The following KHDRBS2 variants were observed in gnomAD, a reference collection of about 807,000 sequenced individuals.
KHDRBS2 encodes the protein KH RNA binding domain containing, signal transduction associated 2, also known as KH domain-containing, RNA-binding, signal transduction-associated protein 2.
Under a neutral mutation model 44.3 loss-of-function variants are expected in KHDRBS2, and 26 were observed. The ratio of observed to expected loss-of-function variants is 0.59; its 90% CI spans 0.43 to 0.81. The LOEUF is 0.81. Ranked by LOEUF, KHDRBS2 falls within the 40% of genes least tolerant of loss-of-function variation. KHDRBS2 has a pLI of 0.00. For missense variants in KHDRBS2, 476 were observed against 433.1 expected, an observed-to-expected ratio of 1.10 and a Z score of -0.88; for synonymous variants, 194 against 151.1, an observed-to-expected ratio of 1.28 and a Z score of -2.08.
At chr6:62,021,907 G>C (rs1782393987) in intron 3 of KHDRBS2, among the ~76,000 whole-genome samples, 1 of 135,884 alleles carries the variant, frequency 7.4e-6, no homozygotes, top group African/African-American at 2.7e-5. Context: ...TATGCTTTGT[G>C]AAAAAAGGTT....
chr6:61,852,610 A>G (rs1028044421), intron 6 of KHDRBS2, among the ~76,000 whole-genome samples: 4 of 151,772 alleles, frequency 2.6e-5, no homozygotes, highest in African/African-American at 9.7e-5. Context: ...TTCTGCTAAT[A>G]CCCACTGTGA....
chr6:62,241,143 G>A (rs763009901), intron 1 of KHDRBS2, among the ~76,000 whole-genome samples: 25 of 152,046 alleles, frequency 1.6e-4, no homozygotes, highest in Non-Finnish European at 3.7e-4. Flanking sequence ...ATCGCTAGGG[G>A]CTCTCCTAGT....
At chr6:61,642,674 A>C in the KHDRBS2 span, among the ~76,000 whole-genome samples, 1 of 144,062 alleles carries the variant, frequency 6.9e-6, no homozygotes, top group East Asian at 2.0e-4. Context: ...AAAAAAAAAA[A>C]GAATAATAAA....
chr6:61,975,216 T>C (rs1295186456), intron 4 of KHDRBS2, among the ~76,000 whole-genome samples: 2 of 152,022 alleles, frequency 1.3e-5, no homozygotes, highest in Non-Finnish European at 2.9e-5. Flanking sequence ...ATACAAGAGG[T>C]AGAAGAAGGT....
chr6:61,687,648 T>C (rs1318760432), intron 8 of KHDRBS2, among the ~76,000 whole-genome samples: 1 of 151,882 alleles, frequency 6.6e-6, no homozygotes, highest in Non-Finnish European at 1.5e-5. Context: ...TGTATTTTTA[T>C]ATTATTGTGC....
intron 8 of KHDRBS2, 110 bp from the exon 9 acceptor site, chr6:61,681,170 C>T (rs1201222968): frequency 2.8e-5 from 20 of 714,344 alleles, no homozygotes; most frequent in South Asian, 2.1e-4. Context: ...ATCTCAACAC[C>T]GAACGCTAAA....
the KHDRBS2 span, among the ~76,000 whole-genome samples, chr6:61,544,247 TAAA>T: frequency 6.6e-6 from 1 of 151,984 alleles, no homozygotes; most frequent in Non-Finnish European, 1.5e-5. Flanking sequence ...AAAATTAAAA[TAAA>T]TAAAAAGTAT....
chr6:61,548,925 G>T, the KHDRBS2 span, among the ~76,000 whole-genome samples: 1 of 152,052 alleles, frequency 6.6e-6, no homozygotes, highest in Non-Finnish European at 1.5e-5. Flanking sequence ...ACCATAAATA[G>T]TTACGTCAGT....
chr6:61,597,000 TATATCTCAA>T, the KHDRBS2 span, among the ~76,000 whole-genome samples: 1 of 152,184 alleles, frequency 6.6e-6, no homozygotes, highest in Non-Finnish European at 1.5e-5. Context: ...AGTAGAAATT[TATATCTCAA>T]AGACACAGAG....
At chr6:62,240,863 A>G (rs73488956) in intron 1 of KHDRBS2, among the ~76,000 whole-genome samples, 1,696 of 151,438 alleles carry the variant, frequency 0.011, 34 homozygotes, top group African/African-American at 0.039. Context: ...CAGTATACAT[A>G]TAGGGTCGTC....
At chr6:61,909,046 A>G (rs1332133204) in intron 4 of KHDRBS2, among the ~76,000 whole-genome samples, 2 of 152,066 alleles carry the variant, frequency 1.3e-5, no homozygotes, top group Admixed American at 6.6e-5. Flanking sequence ...TGGGGCTTAA[A>G]TAGCACATGC....
At chr6:61,753,661 G>C (rs1778075858) in intron 6 of KHDRBS2, among the ~76,000 whole-genome samples, 1 of 152,114 alleles carries the variant, frequency 6.6e-6, no homozygotes, top group African/African-American at 2.4e-5. Context: ...GTGGGGATAT[G>C]GCAGCCAATC....
intron 3 of KHDRBS2, among the ~76,000 whole-genome samples, chr6:62,030,670 T>C (rs896971574): frequency 5.9e-5 from 9 of 152,120 alleles, no homozygotes; most frequent in Admixed American, 5.2e-4. Flanking sequence ...AGTAAATATT[T>C]AGCCGAAACA....
At chr6:61,554,115 T>C in the KHDRBS2 span, among the ~76,000 whole-genome samples, 1 of 152,184 alleles carries the variant, frequency 6.6e-6, no homozygotes, top group Admixed American at 6.5e-5. Flanking sequence ...AGTCTTCCAA[T>C]ATTATTGCAT....
At chr6:62,137,898 T>A (rs185197647) in intron 2 of KHDRBS2, among the ~76,000 whole-genome samples, 5 of 152,330 alleles carry the variant, frequency 3.3e-5, no homozygotes, top group African/African-American at 1.2e-4. Context: ...AGTGGTTTAA[T>A]TATTATGCAG....
Position 62,173,995 on chromosome 6 carries a change from A to G in KHDRBS2, c.219+3190T>C, listed in dbSNP as rs185347783. Among the ~76,000 whole-genome samples, 303 of 151,372 alleles carry G rather than the reference A, an allele frequency of 2.0e-3. 1 individual carries two copies. The highest frequency in any genetic ancestry group is 7.2e-3 in the African/African-American group (293 of 40,972). ...GCTGGAAGCACTCACCTTCAAAACC[A>G]GAACAGACAGTGACACCCTCTCTCA... On this transcript the variant is annotated intron_variant, in intron 2 of 8. Transcript: ENST00000281156.
chr6:62,230,962 C>T (rs1303115912), intron 1 of KHDRBS2, among the ~76,000 whole-genome samples: 1 of 152,052 alleles, frequency 6.6e-6, no homozygotes, highest in African/African-American at 2.4e-5. Context: ...TGTGTAAGGG[C>T]TATATTTATT....
chr6:61,588,436 G>C, the KHDRBS2 span, among the ~76,000 whole-genome samples: 1 of 152,162 alleles, frequency 6.6e-6, no homozygotes, highest in East Asian at 1.9e-4. Flanking sequence ...TGCATTGCCT[G>C]AGAATGTGAG....
chr6:61,955,137 TATAC>T (rs1766350039), intron 4 of KHDRBS2, among the ~76,000 whole-genome samples: 1 of 145,188 alleles, frequency 6.9e-6, no homozygotes, highest in Non-Finnish European at 1.5e-5. Flanking sequence ...TACATATGTA[TATAC>T]ACATACGTGT....
Sources: gnomAD v4.1 joint callset for allele counts (sites outside exome capture counted in the v4.1 genomes callset) on GRCh38, gnomAD v4.1.1 for gene constraint, MANE v1.5 for transcripts, NCBI Gene and HGNC (gene_info 2026-07-23, HGNC 2026-07-21) for gene names.